ECM2: variants seen among roughly 807,000 people sequenced by gnomAD.
The protein encoded by ECM2 is extracellular matrix protein 2.
Under a neutral mutation model 67.5 loss-of-function variants are expected in ECM2, and 57 were observed. The ratio of observed to expected loss-of-function variants is 0.84; its 90% confidence interval spans 0.68 to 1.05. The LOEUF (loss-of-function observed/expected upper bound fraction) is 1.05, where lower values mean the gene tolerates loss of function less well. Ranked by LOEUF, ECM2 falls within the 50% of genes least tolerant of loss-of-function variation. The pLI, the probability that ECM2 is intolerant of heterozygous loss-of-function variation, is 0.00. For synonymous variants in ECM2, 258 were observed against 294.5 expected, an observed-to-expected ratio of 0.88 and a Z score of 1.27; for missense variants, 741 against 822.8, an observed-to-expected ratio of 0.90 and a Z score of 1.22.
At chr9:92,552,428 C>T in the ECM2 span, among the ~76,000 whole-genome samples, 1 of 152,258 alleles carries the variant, frequency 6.6e-6, no homozygotes, top group East Asian at 1.9e-4. Flanking sequence ...ACACTGTTTC[C>T]CATAGTGGCT....
chr9:92,557,629 AGCATTTC>A, the ECM2 span, among the ~76,000 whole-genome samples: 2 of 151,772 alleles, frequency 1.3e-5, no homozygotes, highest in Non-Finnish European at 1.5e-5. Context: ...GACTTTCCAG[AGCATTTC>A]GCATTTCTTT....
chr9:92,517,505 TATTTA>T, intron 3 of ECM2, 177 bp downstream of exon 3: 1 of 777,870 alleles, frequency 1.3e-6, no homozygotes, highest in Non-Finnish European at 2.0e-6. Context: ...CACAGTCTAT[TATTTA>T]TATCCCCTAC....
chr9:92,551,538 C>T, the ECM2 span, among the ~76,000 whole-genome samples: 3 of 151,736 alleles, frequency 2.0e-5, no homozygotes, highest in Non-Finnish European at 4.4e-5. Context: ...TTTATTTTTC[C>T]ATAAGTTATT....
intron 9 of ECM2, among the ~76,000 whole-genome samples, chr9:92,500,381 C>T (rs1486611907): frequency 6.6e-6 from 1 of 152,230 alleles, no homozygotes; most frequent in African/African-American, 2.4e-5. Context: ...CGAGGTTTCA[C>T]CATGTTGGCC....
chr9:92,534,206 G>A (rs1157123573), intron 1 of ECM2, among the ~76,000 whole-genome samples: 1 of 152,060 alleles, frequency 6.6e-6, no homozygotes, highest in Non-Finnish European at 1.5e-5. Flanking sequence ...TTATTTCCTA[G>A]TGTAGCTGTA....
intron 7 of ECM2, among the ~76,000 whole-genome samples, chr9:92,503,676 T>C (rs1467617495): frequency 6.6e-6 from 1 of 152,236 alleles, no homozygotes; most frequent in Non-Finnish European, 1.5e-5. Context: ...AACTGGCATA[T>C]ATCTTTAGTG....
intron 4 of ECM2, among the ~76,000 whole-genome samples, chr9:92,514,149 A>G (rs1847533473): frequency 6.7e-6 from 1 of 148,694 alleles, no homozygotes; most frequent in African/African-American, 2.5e-5. Context: ...TTTTTAAGAG[A>G]CAGGATCTCG....
chr9:92,522,699 C>T lies in ECM2; in HGVS notation c.168G>A (p.Gln56=), dbSNP rs760253173. ...CTACTGGTGTAAAAACTGTTGTTTG[C>T]TGAATTCCAAGCTGTCTGTTTGATC... ...KHRSNRQLGI[Q]QTTVFTPVAR... The change falls in exon 2 of 10, where the codon CAG becomes CAA. Residue 56 remains glutamine, a synonymous_variant. Coordinates refer to ENST00000344604, the MANE Select transcript of ECM2 (RefSeq NM_001393.4). The T allele has an allele frequency of 1.4e-5, 22 of 1,614,090 alleles. No homozygotes were observed. The highest frequency in any genetic ancestry group is 1.7e-4 in the Middle Eastern group (1 of 6,060).
At chr9:92,532,039 T>TTTTTTTTTTTTTTTTTTTTTG (rs1848826400) in intron 1 of ECM2, among the ~76,000 whole-genome samples, 1 of 141,098 alleles carries the variant, frequency 7.1e-6, no homozygotes, top group Non-Finnish European at 1.5e-5. Context: ...ATTTTATTTT[T>TTTTTTTTTTTTTTTTTTTTTG]TTTTTGAGAT....
the ECM2 span, among the ~76,000 whole-genome samples, chr9:92,542,954 C>G: frequency 1.3e-5 from 2 of 152,140 alleles, no homozygotes; most frequent in Admixed American, 1.3e-4. Context: ...TTTCTCAGCA[C>G]CATTTATTTA....
downstream of ECM2, chr9:92,494,263 T>C (rs746475851): frequency 2.0e-6 from 2 of 988,524 alleles, no homozygotes; most frequent in Non-Finnish European, 2.9e-6. Flanking sequence ...CCCCCTTTAA[T>C]ACTAATTTTG....
intron 4 of ECM2, among the ~76,000 whole-genome samples, chr9:92,514,124 CTTTTTTT>C (rs34816093): frequency 7.3e-6 from 1 of 136,298 alleles, no homozygotes; most frequent in African/African-American, 2.7e-5. Context: ...GAATCGTTCA[CTTTTTTT>C]TTTTTTTTTT....
In ECM2 at chr9:92,505,596, G is replaced by C. The variant is rs1846953333; in HGVS notation, c.1401C>G (p.Ala467=). ...PLAFKPLKSL[A]YLRLGKNKFR... ...ATTTATTTTTTCCCAGACGCAAGTA[G>C]GCTAGGCTCTTCAAAGGTTTGAAAG... The change falls in exon 7 of 10, where the codon GCC becomes GCG. Residue 467 remains alanine, a synonymous_variant. Transcript: ENST00000344604. 1.2e-6 allele frequency: 2 copies of C among 1,610,730 alleles called. No homozygotes were observed. Among genetic ancestry groups the C allele is most frequent in the Non-Finnish European group, 1.7e-6 (2 of 1,179,178 alleles).
Position 92,517,813 on chromosome 9 carries a change from CA to C in ECM2, c.354del (p.Glu119SerfsTer51). The stretch of plus-strand genomic sequence containing the variant: ...GAGCAGAGGCAGGTAGTGCAGGGCT[CA>C]GGCGACCACACAGCTTTGTTGTACA... ...ITMYNKAVWS[P>X]EPCTTCLCSD... is the part of the protein sequence containing the mutation. On this transcript the variant is annotated frameshift_variant, in exon 3 of 10. Coordinates refer to ENST00000344604, the MANE Select transcript of ECM2 (RefSeq NM_001393.4). LOFTEE classifies it high-confidence loss of function. The C allele has an allele frequency of 6.2e-7, 1 of 1,614,186 alleles. No individual in the cohort carries two copies.
intron 2 of ECM2, among the ~76,000 whole-genome samples, chr9:92,520,592 C>T (rs1848003731): frequency 6.6e-6 from 1 of 152,164 alleles, no homozygotes; most frequent in Non-Finnish European, 1.5e-5. Context: ...AATGGCCCAA[C>T]AGTTCCCCTC....
chr9:92,511,431 T>G (rs1002440598), intron 5 of ECM2, among the ~76,000 whole-genome samples: 11 of 151,912 alleles, frequency 7.2e-5, no homozygotes, highest in African/African-American at 2.2e-4. Flanking sequence ...GGCCTGTTTT[T>G]TTTTTTTTTT....
At chr9:92,528,542 GGAAAA>G (rs1371526897) in intron 1 of ECM2, among the ~76,000 whole-genome samples, 1 of 123,890 alleles carries the variant, frequency 8.1e-6, no homozygotes, top group African/African-American at 4.4e-5. Flanking sequence ...AGGACAAAGG[GGAAAA>G]CAAAGCAAAA....
upstream of ECM2, chr9:92,538,959 G>A (rs1849252458): frequency 6.6e-6 from 1 of 151,982 alleles, no homozygotes; most frequent in Non-Finnish European, 1.5e-5. Flanking sequence ...TTTTAAGGAT[G>A]CAATTGTCTA....
At chr9:92,546,285 G>A in the ECM2 span, among the ~76,000 whole-genome samples, 2 of 152,168 alleles carry the variant, frequency 1.3e-5, no homozygotes, top group Non-Finnish European at 2.9e-5. Context: ...GGCCAGATAA[G>A]GCAATAAAAG....
Sources: gnomAD v4.1 joint callset for allele counts (sites outside exome capture counted in the v4.1 genomes callset) on GRCh38, gnomAD v4.1.1 for gene constraint, MANE v1.5 for transcripts, NCBI Gene and HGNC (gene_info 2026-07-23, HGNC 2026-07-21) for gene names.